The following GABRA2 variants were observed in gnomAD, a reference collection of about 807,000 sequenced individuals.
GABRA2 encodes gamma-aminobutyric acid type A receptor subunit alpha2.
A neutral mutation model predicts 48.7 loss-of-function variants in GABRA2; 16 were observed. The observed-to-expected ratio is 0.33, with a 90% CI of 0.22 to 0.50. The LOEUF is 0.50. GABRA2 is among the 20% of genes least tolerant of loss of function. GABRA2 has a pLI of 0.98. For synonymous variants in GABRA2, 185 were observed against 184.5 expected (o/e 1.00, Z -0.02); for missense variants, 275 against 535.6 (o/e 0.51, Z 4.80).
At chr4:46,266,807 T>G (rs930164388) in intron 8 of GABRA2, among the ~76,000 whole-genome samples, 4 of 150,536 alleles carry the variant, frequency 2.7e-5, no homozygotes, top group Non-Finnish European at 5.9e-5. Context: ...CTGCAACCTT[T>G]GCCTCCCAGG....
At chr4:46,378,014 G>C (rs1289921015) in intron 3 of GABRA2, among the ~76,000 whole-genome samples, 3 of 146,726 alleles carry the variant, frequency 2.0e-5, no homozygotes, top group African/African-American at 7.6e-5. Flanking sequence ...CCGGCCAGCC[G>C]CCCCGTCCGG....
intron 3 of GABRA2, among the ~76,000 whole-genome samples, chr4:46,353,146 C>A (rs1217783211): frequency 1.3e-5 from 2 of 152,058 alleles, no homozygotes; most frequent in Non-Finnish European, 2.9e-5. Context: ...TTAAGATAAT[C>A]CTTCCTGATG....
chr4:46,370,108 C>A (rs1356094012), intron 3 of GABRA2, among the ~76,000 whole-genome samples: 3 of 151,802 alleles, frequency 2.0e-5, no homozygotes, highest in South Asian at 4.2e-4. Flanking sequence ...GGCTACAGAG[C>A]TACCTTAAGT....
At chr4:46,284,780 AT>A (rs1722206248) in intron 8 of GABRA2, among the ~76,000 whole-genome samples, 1 of 152,008 alleles carries the variant, frequency 6.6e-6, no homozygotes, top group Admixed American at 6.6e-5. Context: ...TCTAGAGCAT[AT>A]TAATTTTTTA....
chr4:46,295,822 T>C (rs1560491200), intron 8 of GABRA2, among the ~76,000 whole-genome samples: 1 of 152,208 alleles, frequency 6.6e-6, no homozygotes, highest in African/African-American at 2.4e-5. Context: ...TGGACACTTA[T>C]GCCGGATATG....
chr4:46,385,923 A>G (rs2109374809), intron 3 of GABRA2, 151 bp downstream of exon 3: 1 of 591,274 alleles, frequency 1.7e-6, no homozygotes, highest in East Asian at 3.0e-5. Flanking sequence ...AATCACAGAC[A>G]ATATTTTTTC....
intron 9 of GABRA2, among the ~76,000 whole-genome samples, chr4:46,255,072 G>A (rs779195796): frequency 4.6e-5 from 7 of 151,526 alleles, no homozygotes; most frequent in Non-Finnish European, 7.4e-5. Flanking sequence ...CCTGGAGCTT[G>A]CCTCTATAAT....
intron 3 of GABRA2, among the ~76,000 whole-genome samples, chr4:46,350,157 C>T (rs1309819310): frequency 6.6e-6 from 1 of 151,870 alleles, no homozygotes; most frequent in Non-Finnish European, 1.5e-5. Context: ...ATATTTTACT[C>T]TGATATGAAA....
chr4:46,313,205 A>G (rs1216901318), intron 4 of GABRA2, among the ~76,000 whole-genome samples: 1 of 150,766 alleles, frequency 6.6e-6, no homozygotes, highest in Admixed American at 6.6e-5. Context: ...AAAATTAAAA[A>G]GAAAAATTAA....
At chr4:46,357,406 T>C (rs919276429) in intron 3 of GABRA2, among the ~76,000 whole-genome samples, 2 of 147,746 alleles carry the variant, frequency 1.4e-5, no homozygotes, top group Admixed American at 6.9e-5. Flanking sequence ...TCTTATCTAG[T>C]ATGTTGCATT....
intron 3 of GABRA2, among the ~76,000 whole-genome samples, chr4:46,341,598 G>C (rs1733252367): frequency 4.6e-5 from 7 of 151,934 alleles, no homozygotes. Context: ...GGTTCTGTGG[G>C]GTGAAAGGAT....
chr4:46,292,549 C>A (rs781113699), intron 8 of GABRA2, among the ~76,000 whole-genome samples: 2 of 152,132 alleles, frequency 1.3e-5, no homozygotes, highest in Non-Finnish European at 2.9e-5. Context: ...TTGGATCAGG[C>A]TGAATTTGTC....
chr4:46,348,488 T>C (rs1157872618), intron 3 of GABRA2, among the ~76,000 whole-genome samples: 6 of 151,824 alleles, frequency 4.0e-5, no homozygotes, highest in East Asian at 3.9e-4. Context: ...ATGTTTATTG[T>C]GGCACTATTC....
intron 3 of GABRA2, among the ~76,000 whole-genome samples, chr4:46,349,819 A>C (rs1355086168): frequency 1.3e-5 from 2 of 151,912 alleles, no homozygotes; most frequent in African/African-American, 4.8e-5. Context: ...AATCTACTAA[A>C]GTGATTAACT....
chr4:46,332,803 A>G, intron 3 of GABRA2, 121 bp from the exon 4 acceptor site: 1 of 569,818 alleles, frequency 1.8e-6, no homozygotes, highest in Non-Finnish European at 3.1e-6. Context: ...ACTGGGTTTT[A>G]CTTTCTTGTC....
chr4:46,300,799 A>C (rs945796136), intron 8 of GABRA2, among the ~76,000 whole-genome samples: 5 of 151,964 alleles, frequency 3.3e-5, no homozygotes, highest in Non-Finnish European at 7.4e-5. Flanking sequence ...ATCCATTGAT[A>C]CCCTCCCTCA....
intron 4 of GABRA2, among the ~76,000 whole-genome samples, chr4:46,325,829 G>A (rs1027538046): frequency 1.3e-5 from 2 of 151,934 alleles, no homozygotes; most frequent in Non-Finnish European, 2.9e-5. Flanking sequence ...TATTGAATAA[G>A]GAGTCCTTAC....
intron 4 of GABRA2, among the ~76,000 whole-genome samples, chr4:46,321,460 G>T (rs1027032296): frequency 4.6e-5 from 7 of 151,962 alleles, no homozygotes; most frequent in Non-Finnish European, 1.0e-4. Flanking sequence ...AAAATATAAT[G>T]TACATCTTAA....
At chr4:46,376,253 T>C (rs926722477) in intron 3 of GABRA2, among the ~76,000 whole-genome samples, 1 of 152,242 alleles carries the variant, frequency 6.6e-6, no homozygotes, top group Non-Finnish European at 1.5e-5. Flanking sequence ...TCTGTTCATT[T>C]CACTATCTTC....
Sources: allele counts gnomAD v4.1 joint callset (sites outside exome capture counted in the v4.1 genomes callset), GRCh38; gene constraint gnomAD v4.1.1; transcripts MANE v1.5; gene names NCBI Gene and HGNC (gene_info 2026-07-23, HGNC 2026-07-21).